SHANK2: variants seen among roughly 807,000 people sequenced by gnomAD.
SHANK2 encodes the protein SH3 and multiple ankyrin repeat domains protein 2.
In SHANK2, 43 loss-of-function variants were observed where a neutral mutation model predicts 133.7. That is an observed-to-expected ratio of 0.32 (90% CI 0.25 to 0.41). The LOEUF (loss-of-function observed/expected upper bound fraction) is 0.41. Among genes scored for constraint, SHANK2 ranks in the 10% least tolerant of loss-of-function variants. SHANK2 has a pLI of 1.00. For synonymous variants in SHANK2, 1,017 were observed against 952.8 expected, an observed-to-expected ratio of 1.07 and a Z score of -1.24; for missense variants, 1,994 against 2,235.8, an observed-to-expected ratio of 0.89 and a Z score of 2.18.
chr11:71,116,395 G>A (rs543976815), intron 4 of SHANK2, among the ~76,000 whole-genome samples: 3 of 152,338 alleles, frequency 2.0e-5, no homozygotes, highest in South Asian at 2.1e-4. Flanking sequence ...AGGAAACAAT[G>A]CCTGTAAACT....
intron 10 of SHANK2, among the ~76,000 whole-genome samples, chr11:70,950,518 G>A (rs139787155): frequency 3.4e-4 from 52 of 152,306 alleles, no homozygotes; most frequent in African/African-American, 1.1e-3. Context: ...ACAAGGGCAC[G>A]AATCCCATCA....
rs978625862 is a variant in SHANK2, at chr11:70,739,603, G to A, written c.1778-40840C>T. On this transcript the variant is annotated intron_variant, in intron 14 of 25. Transcript: ENST00000601538. The surrounding 1 kb of genome is among the most constrained non-coding windows in gnomAD (Gnocchi z 4.3). ...GGTTTCAGATTCTGAGCCTGGTGAG[G>A]TTGGTCCAGGGTCCCACCACCAGCC... is the stretch of plus-strand genomic sequence containing the variant. 6.6e-6 allele frequency among the ~76,000 whole-genome samples: 1 copy of A among 152,178 alleles called. No individual in the cohort carries two copies. Among genetic ancestry groups the A allele is most frequent in the African/African-American group, 2.4e-5 (1 of 41,440 alleles).
intron 14 of SHANK2, among the ~76,000 whole-genome samples, chr11:70,710,574 G>A (rs1177378298): frequency 2.0e-5 from 3 of 152,206 alleles, no homozygotes; most frequent in South Asian, 4.1e-4. Context: ...AGGTGGGACC[G>A]AACTAATCTC....
chr11:70,757,145 A>G (rs1946893262), intron 14 of SHANK2, among the ~76,000 whole-genome samples: 1 of 152,194 alleles, frequency 6.6e-6, no homozygotes. Context: ...GTATCTACTG[A>G]GCCCCTGCCC....
intron 17 of SHANK2, among the ~76,000 whole-genome samples, chr11:70,617,749 C>T (rs1305888683): frequency 5.9e-5 from 9 of 152,040 alleles, no homozygotes; most frequent in African/African-American, 1.7e-4. Flanking sequence ...TCTGAATAAA[C>T]GTCTACCATG....
chr11:70,797,261 C>T (rs1231056804), intron 14 of SHANK2, among the ~76,000 whole-genome samples: 23 of 152,200 alleles, frequency 1.5e-4, no homozygotes, highest in Admixed American at 1.0e-3. Context: ...ACATTGTCAT[C>T]GCCACATCCA....
chr11:71,187,918 G>A (rs1208082750), intron 2 of SHANK2, among the ~76,000 whole-genome samples: 6 of 152,158 alleles, frequency 3.9e-5, no homozygotes, highest in South Asian at 2.1e-4. Context: ...ATGTGGTGCC[G>A]GGTGGCCTTC....
At chr11:70,694,672 C>G (rs1945354968) in intron 15 of SHANK2, among the ~76,000 whole-genome samples, 1 of 152,174 alleles carries the variant, frequency 6.6e-6, no homozygotes, top group African/African-American at 2.4e-5. Flanking sequence ...GTGACCATGG[C>G]CTCCAGATGC....
chr11:70,597,727 G>T (rs1233813030), intron 17 of SHANK2, among the ~76,000 whole-genome samples: 1 of 152,192 alleles, frequency 6.6e-6, no homozygotes, highest in East Asian at 1.9e-4. Flanking sequence ...ACAAAAATTA[G>T]CTGGGCAGAA....
At chr11:70,838,804 T>G (rs1948861409) in intron 11 of SHANK2, among the ~76,000 whole-genome samples, 1 of 152,052 alleles carries the variant, frequency 6.6e-6, no homozygotes, top group Non-Finnish European at 1.5e-5. Context: ...CTTTCCAGGA[T>G]TTCTATTGAC....
At chr11:70,855,412 C>T (rs1235583536) in intron 11 of SHANK2, among the ~76,000 whole-genome samples, 1 of 152,208 alleles carries the variant, frequency 6.6e-6, no homozygotes, top group South Asian at 2.1e-4. Flanking sequence ...CTTTGCTCCC[C>T]CAACCCCTTG....
At chr11:70,656,489 C>T (rs2061407359) in intron 17 of SHANK2, among the ~76,000 whole-genome samples, 1 of 152,188 alleles carries the variant, frequency 6.6e-6, no homozygotes. Flanking sequence ...CATTCAACTT[C>T]CCGCCGCCCT....
At chr11:70,812,331 G>A (rs540054042) in intron 12 of SHANK2, among the ~76,000 whole-genome samples, 14 of 152,270 alleles carry the variant, frequency 9.2e-5, no homozygotes, top group African/African-American at 2.6e-4. Context: ...AGTGATTACC[G>A]GGCAGTGACA....
At chr11:70,815,092 C>T (rs1555053970) in intron 12 of SHANK2, among the ~76,000 whole-genome samples, 1 of 151,930 alleles carries the variant, frequency 6.6e-6, no homozygotes, top group African/African-American at 2.4e-5. Context: ...GCTGGCTGAG[C>T]CTCACACCTG....
At chr11:71,215,010 A>T (rs571474788) in intron 2 of SHANK2, among the ~76,000 whole-genome samples, 2 of 152,256 alleles carry the variant, frequency 1.3e-5, no homozygotes, top group South Asian at 4.1e-4. Context: ...TACACAGAGG[A>T]GCTGGCTGTG....
chr11:70,507,087 GCACTTGGGGAGTTGGGCCTCC>G (rs2059146378), intron 17 of SHANK2, among the ~76,000 whole-genome samples: 1 of 152,186 alleles, frequency 6.6e-6, no homozygotes, highest in African/African-American at 2.4e-5. Flanking sequence ...TAGAACCCTC[GCACTTGGGGAGTTGGGCCTCC>G]CACTTGCATG....
At chr11:70,591,754 C>T (rs530013342) in intron 17 of SHANK2, among the ~76,000 whole-genome samples, 8 of 152,220 alleles carry the variant, frequency 5.3e-5, no homozygotes, top group Non-Finnish European at 8.8e-5. Flanking sequence ...CGGTGGCTCA[C>T]ACCTGTAATC....
chr11:71,109,258 C>T (rs1555098604), intron 6 of SHANK2, among the ~76,000 whole-genome samples: 1 of 152,108 alleles, frequency 6.6e-6, no homozygotes, highest in Non-Finnish European at 1.5e-5. Context: ...CAGCTGGTGC[C>T]CTGCTGGCAA....
At chr11:70,644,997 A>G (rs2061240747) in intron 17 of SHANK2, among the ~76,000 whole-genome samples, 1 of 152,190 alleles carries the variant, frequency 6.6e-6, no homozygotes, top group Non-Finnish European at 1.5e-5. Flanking sequence ...TGAAGCGGGC[A>G]GATCACCTGA....
Sources: allele counts gnomAD v4.1 joint callset (sites outside exome capture counted in the v4.1 genomes callset), GRCh38; gene constraint gnomAD v4.1.1; non-coding constraint Gnocchi (gnomAD v3.1); transcripts MANE v1.5; gene names NCBI Gene and HGNC (gene_info 2026-07-23, HGNC 2026-07-21).